The following IMMP2L variants were observed in gnomAD, a reference collection of about 807,000 sequenced individuals.
The protein encoded by IMMP2L is inner mitochondrial membrane peptidase subunit 2, also known as mitochondrial inner membrane protease subunit 2.
Under a neutral mutation model 19.3 loss-of-function variants are expected in IMMP2L, and 18 were observed. The observed-to-expected ratio is 0.93, with a 90% CI of 0.64 to 1.38. IMMP2L has a LOEUF of 1.38. Among genes scored for constraint, IMMP2L ranks in the 40% most tolerant of loss-of-function variants. IMMP2L has a pLI of 0.00. For synonymous variants in IMMP2L, 76 were observed against 73.0 expected (o/e 1.04, Z -0.21); for missense variants, 233 against 218.2 (o/e 1.07, Z -0.43).
At chr7:111,205,657 C>A (rs561369540) in intron 3 of IMMP2L, among the ~76,000 whole-genome samples, 2 of 151,804 alleles carry the variant, frequency 1.3e-5, no homozygotes, top group Admixed American at 6.6e-5. Flanking sequence ...TTAATAATAA[C>A]AAAAAATATA....
At position 111,213,491 on chromosome 7, in the gene IMMP2L, C is replaced by T. The variant is rs1454021069; in HGVS notation, c.240-249926G>A. Among the ~76,000 whole-genome samples, 1 of 152,138 alleles carries T rather than the reference C, an allele frequency of 6.6e-6. No individual in the cohort carries two copies. The highest frequency in any genetic ancestry group is 2.4e-5 in the African/African-American group (1 of 41,430). On this transcript the variant is annotated intron_variant, in intron 3 of 5. Coordinates refer to ENST00000405709, the MANE Select transcript of IMMP2L (RefSeq NM_032549.4). This position sits in a 1 kb window ranked among gnomAD's most constrained non-coding sequence, Gnocchi z 4.8. ...GCCCCACCTTCAAGCTGGGGAGGGC[C>T]TGAAGCCCTCCAGGGGCCAGGCTGC... is the stretch of plus-strand genomic sequence containing the variant.
chr7:110,910,251 A>G (rs1431128094), intron 4 of IMMP2L, among the ~76,000 whole-genome samples: 1 of 152,172 alleles, frequency 6.6e-6, no homozygotes, highest in Non-Finnish European at 1.5e-5. Context: ...TTAAGAGAGC[A>G]AGATCTTAAA....
chr7:111,180,475 G>A (rs1036035675), intron 3 of IMMP2L, among the ~76,000 whole-genome samples: 3 of 151,924 alleles, frequency 2.0e-5, no homozygotes, highest in African/African-American at 7.3e-5. Context: ...GTGGTGCCCT[G>A]AAACAGTTAC....
intron 3 of IMMP2L, among the ~76,000 whole-genome samples, chr7:111,331,959 A>T (rs1053368348): frequency 5.3e-5 from 8 of 151,888 alleles, no homozygotes; most frequent in African/African-American, 1.4e-4. Flanking sequence ...GTATACATAT[A>T]TATATTTATT....
At chr7:111,431,949 T>C (rs1836674193) in intron 3 of IMMP2L, among the ~76,000 whole-genome samples, 1 of 151,832 alleles carries the variant, frequency 6.6e-6, no homozygotes, top group Non-Finnish European at 1.5e-5. Flanking sequence ...AATTGTATTC[T>C]TTGGAAAACA....
chr7:111,179,825 T>C (rs1490581396), intron 3 of IMMP2L, among the ~76,000 whole-genome samples: 2 of 152,082 alleles, frequency 1.3e-5, no homozygotes, highest in African/African-American at 4.8e-5. Context: ...GATAAATTGC[T>C]GTAACTTCTA....
At chr7:110,743,311 C>T (rs1797113155) in intron 5 of IMMP2L, among the ~76,000 whole-genome samples, 1 of 152,048 alleles carries the variant, frequency 6.6e-6, no homozygotes, top group Admixed American at 6.6e-5. Context: ...TAATTATTCA[C>T]ATTATAGTAA....
At chr7:110,848,504 C>T (rs1332111175) in intron 5 of IMMP2L, among the ~76,000 whole-genome samples, 1 of 152,110 alleles carries the variant, frequency 6.6e-6, no homozygotes, top group Non-Finnish European at 1.5e-5. Context: ...GTGGCAGTTT[C>T]TTACAAACTA....
chr7:111,155,726 A>G (rs1298964270), intron 3 of IMMP2L, among the ~76,000 whole-genome samples: 1 of 152,072 alleles, frequency 6.6e-6, no homozygotes. Flanking sequence ...GAACAAAAAT[A>G]ATATATACTT....
rs1175944389 is a variant in IMMP2L, at chr7:111,561,931, TA to T, written c.-84del. 6.6e-6 allele frequency: 1 copy of T among 152,520 alleles called. No homozygotes were observed. The highest frequency in any genetic ancestry group is 1.9e-4 in the East Asian group (1 of 5,150). The allele number at this position is 152,520 out of a possible 1,614,324, so 9.4% of individuals were successfully genotyped here. Reference sequence around the variant, plus strand: ...CCCAATTTGGCCAAAACCCTAAAAGTAAAAAACGACAGACAGACACGTGCTT... The same window carrying T: ...CCCAATTTGGCCAAAACCCTAAAAGTAAAAACGACAGACAGACACGTGCTT... On this transcript the variant is annotated 5_prime_UTR_variant, in exon 1 of 6. It introduces an in-frame stop codon into an upstream open reading frame of the 5' UTR. Transcript: ENST00000405709.
intron 3 of IMMP2L, among the ~76,000 whole-genome samples, chr7:111,219,250 C>T (rs554775038): frequency 6.6e-6 from 1 of 151,948 alleles, no homozygotes; most frequent in Non-Finnish European, 1.5e-5. Flanking sequence ...AGAATAATGA[C>T]CCAAATACAG....
intron 3 of IMMP2L, among the ~76,000 whole-genome samples, chr7:111,439,277 T>A (rs540816682): frequency 6.6e-6 from 1 of 151,904 alleles, no homozygotes; most frequent in South Asian, 2.1e-4. Context: ...ACAATTCTAG[T>A]GGCCCAGTCT....
At chr7:110,839,239 G>T (rs1804807839) in intron 5 of IMMP2L, among the ~76,000 whole-genome samples, 1 of 152,004 alleles carries the variant, frequency 6.6e-6, no homozygotes, top group Non-Finnish European at 1.5e-5. Context: ...GCAAAATTAT[G>T]CCAAATATGT....
intron 5 of IMMP2L, among the ~76,000 whole-genome samples, chr7:110,874,506 TTAATA>T (rs2129544199): frequency 6.6e-6 from 1 of 152,172 alleles, no homozygotes; most frequent in East Asian, 1.9e-4. Context: ...AAATTTCACA[TTAATA>T]TAATATTATT....
At chr7:110,941,965 A>T (rs1402434455) in intron 4 of IMMP2L, among the ~76,000 whole-genome samples, 3 of 151,492 alleles carry the variant, frequency 2.0e-5, no homozygotes, top group African/African-American at 7.2e-5. Flanking sequence ...AAGAAATCAT[A>T]CCCTAGTTAA....
intron 3 of IMMP2L, among the ~76,000 whole-genome samples, chr7:111,410,404 C>G (rs1444632707): frequency 1.3e-5 from 2 of 151,172 alleles, no homozygotes; most frequent in East Asian, 3.9e-4. Flanking sequence ...AAAGAAAAAC[C>G]AAAATGTAAT....
chr7:111,172,371 CATA>C (rs1408248924), intron 3 of IMMP2L, among the ~76,000 whole-genome samples: 2 of 151,364 alleles, frequency 1.3e-5, no homozygotes, highest in African/African-American at 4.8e-5. Context: ...TTAATTGATA[CATA>C]ATAATTATAT....
chr7:111,392,777 A>C (rs935175397), intron 3 of IMMP2L: 1 of 456,604 alleles, frequency 2.2e-6, no homozygotes, highest in Non-Finnish European at 4.4e-6. Context: ...AGTGGTCATA[A>C]AACTCCAAAA....
intron 3 of IMMP2L, among the ~76,000 whole-genome samples, chr7:111,063,885 T>G (rs907994485): frequency 5.3e-5 from 8 of 152,220 alleles, no homozygotes; most frequent in Admixed American, 3.3e-4. Flanking sequence ...TCTACAAGTC[T>G]CTAGGAAGTT....
Sources: gnomAD v4.1 joint callset for allele counts (sites outside exome capture counted in the v4.1 genomes callset) on GRCh38, gnomAD v4.1.1 for gene constraint, Gnocchi (gnomAD v3.1) non-coding constraint, MANE v1.5 for transcripts, NCBI Gene and HGNC (gene_info 2026-07-23, HGNC 2026-07-21) for gene names.